The following REC114 variants were observed in gnomAD, a reference collection of about 807,000 sequenced individuals.
REC114 encodes meiotic recombination protein REC114.
REC114 carries 27 observed loss-of-function variants against 31.3 expected under a neutral mutation model. The ratio of observed to expected loss-of-function variants is 0.86; its 90% CI spans 0.64 to 1.19. The LOEUF (loss-of-function observed/expected upper bound fraction) is 1.19. Ranked by LOEUF, REC114 falls within the 50% of genes most tolerant of loss-of-function variation. The probability of loss-of-function intolerance (pLI) is 0.00; values close to 1 mark genes in which losing one functional copy is unlikely to be tolerated. For synonymous variants in REC114, 134 were observed against 127.7 expected, an observed-to-expected ratio of 1.05 and a Z score of -0.33; for missense variants, 344 against 326.9, an observed-to-expected ratio of 1.05 and a Z score of -0.40.
intron 4 of REC114, among the ~76,000 whole-genome samples, chr15:73,552,615 A>G (rs1894408110): frequency 6.6e-6 from 1 of 152,232 alleles, no homozygotes; most frequent in Non-Finnish European, 1.5e-5. Flanking sequence ...AATTTCTCCC[A>G]GAAATATGTG....
chr15:73,480,403 C>T (rs957858770), intron 2 of REC114, among the ~76,000 whole-genome samples: 1 of 150,848 alleles, frequency 6.6e-6, no homozygotes, highest in African/African-American at 2.4e-5. Flanking sequence ...CTGAATCAAC[C>T]TTTATTGTAG....
intron 1 of REC114, among the ~76,000 whole-genome samples, chr15:73,449,065 T>G (rs1431845015): frequency 6.6e-6 from 1 of 151,828 alleles, no homozygotes; most frequent in Non-Finnish European, 1.5e-5. Flanking sequence ...GGCTGAAAAT[T>G]CCAAAAACCA....
intron 1 of REC114, among the ~76,000 whole-genome samples, chr15:73,465,983 C>G (rs1171805228): frequency 6.6e-6 from 1 of 152,074 alleles, no homozygotes; most frequent in Non-Finnish European, 1.5e-5. Context: ...TCCTGAGTAG[C>G]TGGGACTACA....
At chr15:73,488,610 T>C (rs948307823) in intron 2 of REC114, among the ~76,000 whole-genome samples, 3 of 152,228 alleles carry the variant, frequency 2.0e-5, no homozygotes, top group African/African-American at 7.2e-5. Context: ...TCTTTGCCAT[T>C]GTATAACAAG....
chr15:73,490,903 C>A (rs1177437909), intron 2 of REC114, among the ~76,000 whole-genome samples: 1 of 152,088 alleles, frequency 6.6e-6, no homozygotes, highest in African/African-American at 2.4e-5. Context: ...ATTAGTTTTG[C>A]TTTTGCTGGA....
chr15:73,539,455 TAC>T (rs1466708932), intron 2 of REC114, among the ~76,000 whole-genome samples: 1 of 132,638 alleles, frequency 7.5e-6, no homozygotes. Context: ...CACGCCCGGC[TAC>T]TTTTTTTTTT....
intron 1 of REC114, among the ~76,000 whole-genome samples, chr15:73,455,201 G>T (rs959274395): frequency 6.6e-6 from 1 of 152,006 alleles, no homozygotes; most frequent in African/African-American, 2.4e-5. Flanking sequence ...AATAATAAAA[G>T]ATGAGCCATC....
intron 1 of REC114, among the ~76,000 whole-genome samples, chr15:73,455,972 A>G (rs1892909359): frequency 2.0e-5 from 3 of 152,222 alleles, no homozygotes; most frequent in Non-Finnish European, 2.9e-5. Context: ...CTTGAATGAA[A>G]TGATAGCCAT....
intron 2 of REC114, among the ~76,000 whole-genome samples, chr15:73,485,144 C>T (rs1163517756): frequency 6.6e-6 from 1 of 152,138 alleles, no homozygotes; most frequent in Non-Finnish European, 1.5e-5. Flanking sequence ...ACTGCAGTGG[C>T]ACGATCCCTG....
intron 5 of REC114, among the ~76,000 whole-genome samples, chr15:73,559,404 T>TCATTGATAG (rs1894534637): frequency 6.6e-6 from 1 of 152,216 alleles, no homozygotes; most frequent in South Asian, 2.1e-4. Flanking sequence ...TGGAGCTCAT[T>TCATTGATAG]CATTGATAGC....
intron 1 of REC114, among the ~76,000 whole-genome samples, chr15:73,464,352 TTTA>T (rs957401270): frequency 3.3e-5 from 5 of 151,914 alleles, no homozygotes; most frequent in Admixed American, 2.6e-4. Context: ...GAAATATATA[TTTA>T]TTATTATTAC....
intron 3 of REC114, among the ~76,000 whole-genome samples, chr15:73,545,989 A>G (rs1410347669): frequency 6.6e-6 from 1 of 152,192 alleles, no homozygotes; most frequent in Non-Finnish European, 1.5e-5. Flanking sequence ...GATTGAATGT[A>G]TAGGTCTCTT....
At chr15:73,486,391 C>T (rs906339732) in intron 2 of REC114, among the ~76,000 whole-genome samples, 4 of 152,176 alleles carry the variant, frequency 2.6e-5, no homozygotes, top group Non-Finnish European at 5.9e-5. Context: ...CCACTGTACC[C>T]GGCCACCATA....
At chr15:73,454,178 A>G (rs1331524035) in intron 1 of REC114, among the ~76,000 whole-genome samples, 2 of 152,200 alleles carry the variant, frequency 1.3e-5, no homozygotes, top group Non-Finnish European at 2.9e-5. Context: ...GACAAGGGAC[A>G]GAGAGTTGAG....
At chr15:73,445,910 C>T (rs975030796) in intron 1 of REC114, among the ~76,000 whole-genome samples, 7 of 152,068 alleles carry the variant, frequency 4.6e-5, no homozygotes, top group African/African-American at 9.7e-5. Context: ...GATACAGAGA[C>T]ATGAAGTGAA....
intron 1 of REC114, among the ~76,000 whole-genome samples, chr15:73,467,524 GAAGA>G (rs1207168633): frequency 2.6e-5 from 4 of 152,180 alleles, no homozygotes; most frequent in Non-Finnish European, 5.9e-5. Context: ...TTTGTTGAAT[GAAGA>G]ATTAATGAAG....
chr15:73,534,222 C>G (rs1285719900), intron 2 of REC114, among the ~76,000 whole-genome samples: 4 of 152,040 alleles, frequency 2.6e-5, no homozygotes, highest in Non-Finnish European at 5.9e-5. Flanking sequence ...ATACAAAAAA[C>G]CCTTCAAAAA....
intron 1 of REC114, 96 bp downstream of exon 1, chr15:73,443,440 C>A: frequency 7.3e-7 from 1 of 1,360,782 alleles, no homozygotes; most frequent in Non-Finnish European, 9.7e-7. Flanking sequence ...AAAGCAATGC[C>A]GAGGGGACAC....
chr15:73,486,957 G>C (rs1893379333), intron 2 of REC114, among the ~76,000 whole-genome samples: 1 of 151,942 alleles, frequency 6.6e-6, no homozygotes, highest in Non-Finnish European at 1.5e-5. Context: ...AGAGGTGGAG[G>C]TTGCGGTGAG....
Sources: allele counts gnomAD v4.1 joint callset (sites outside exome capture counted in the v4.1 genomes callset), GRCh38; gene constraint gnomAD v4.1.1; transcripts MANE v1.5; gene names NCBI Gene and HGNC (gene_info 2026-07-23, HGNC 2026-07-21).